Variants in TRIM44 observed in about 807,000 individuals in gnomAD.
TRIM44 encodes tripartite motif containing 44, also known as tripartite motif-containing protein 44.
Under a neutral mutation model 37.4 loss-of-function variants are expected in TRIM44, and 13 were observed. The ratio of observed to expected loss-of-function variants is 0.35; its 90% CI spans 0.23 to 0.55. The LOEUF (loss-of-function observed/expected upper bound fraction) is 0.55, where lower values mean the gene tolerates loss of function less well. Among genes scored for constraint, TRIM44 ranks in the 20% least tolerant of loss-of-function variants. The probability of loss-of-function intolerance (pLI) is 0.89; values close to 1 mark genes in which losing one functional copy is unlikely to be tolerated. For missense variants in TRIM44, 426 were observed against 437.2 expected, an observed-to-expected ratio of 0.97 and a Z score of 0.23; for synonymous variants, 175 against 157.2, an observed-to-expected ratio of 1.11 and a Z score of -0.85.
chr11:35,731,980 T>C (rs1003687863), intron 3 of TRIM44, among the ~76,000 whole-genome samples: 4 of 152,290 alleles, frequency 2.6e-5, no homozygotes, highest in African/African-American at 9.6e-5. Flanking sequence ...AATTTCAGAC[T>C]GTCTATAGTG....
At chr11:35,803,753 GA>G (rs1311732930) in intron 4 of TRIM44, among the ~76,000 whole-genome samples, 2 of 152,074 alleles carry the variant, frequency 1.3e-5, no homozygotes, top group Admixed American at 1.3e-4. Context: ...ATAACCTCAT[GA>G]ACATAGATGA....
intron 4 of TRIM44, among the ~76,000 whole-genome samples, chr11:35,758,530 G>C (rs1165733096): frequency 6.6e-6 from 1 of 152,160 alleles, no homozygotes; most frequent in Non-Finnish European, 1.5e-5. Flanking sequence ...GTGTGAATTT[G>C]ATCCTGTCTT....
At chr11:35,734,583 A>C (rs1852306732) in intron 3 of TRIM44, among the ~76,000 whole-genome samples, 1 of 152,222 alleles carries the variant, frequency 6.6e-6, no homozygotes, top group Non-Finnish European at 1.5e-5. Context: ...AAAGAAGGAT[A>C]TAAAAGATAC....
intron 1 of TRIM44, among the ~76,000 whole-genome samples, chr11:35,665,715 C>T (rs1433565588): frequency 1.3e-5 from 2 of 150,398 alleles, no homozygotes; most frequent in African/African-American, 2.4e-5. Flanking sequence ...CTGCCTCAGC[C>T]ATCTGAGTAG....
At chr11:35,780,949 G>C (rs542800467) in intron 4 of TRIM44, among the ~76,000 whole-genome samples, 1 of 152,230 alleles carries the variant, frequency 6.6e-6, no homozygotes, top group South Asian at 2.1e-4. Flanking sequence ...CTTCTGTGGT[G>C]GAATTTAACT....
intron 4 of TRIM44, among the ~76,000 whole-genome samples, chr11:35,739,667 A>G (rs932308689): frequency 6.6e-6 from 1 of 152,106 alleles, no homozygotes; most frequent in Non-Finnish European, 1.5e-5. Flanking sequence ...GGGAGCAGCC[A>G]ACTAAGCCTG....
intron 4 of TRIM44, among the ~76,000 whole-genome samples, chr11:35,804,358 A>G (rs1292728287): frequency 2.0e-5 from 3 of 152,230 alleles, no homozygotes; most frequent in Non-Finnish European, 2.9e-5. Context: ...GTTATTCCCA[A>G]TTTGGCAAGA....
rs557913089 is a variant in TRIM44 at position 35,676,847 on chromosome 11, A to G, written c.670-8412A>G. ...AAAATGCTAATCTTTGGCCGAGGTT[A>G]TAAAACCAAGAGTCTAGAAACCTTT... is the stretch of plus-strand genomic sequence containing the variant. On this transcript the variant is annotated intron_variant, in intron 1 of 4. Coordinates refer to ENST00000299413, the MANE Select transcript of TRIM44 (RefSeq NM_017583.6). Among the ~76,000 whole-genome samples the G allele has an allele frequency of 2.6e-5, 4 of 151,446 alleles. No individual in the cohort carries two copies. In the Admixed American group the frequency reaches 2.6e-4, roughly 10 times the overall value.
chr11:35,806,388 G>T lies in TRIM44; in HGVS notation c.*3G>T. On this transcript the variant is annotated 3_prime_UTR_variant, in exon 5 of 5. Transcript: ENST00000299413. ...CCAGTGAAGAAGAGGACACATGAAGGCTTGCTACCCCCAGTGGAAAATCAT... is the reference window on the plus strand; with the variant it reads ...CCAGTGAAGAAGAGGACACATGAAGTCTTGCTACCCCCAGTGGAAAATCAT... 6.2e-7 allele frequency: 1 copy of T among 1,613,640 alleles called. No individual in the cohort carries two copies. Among genetic ancestry groups the T allele is most frequent in the Non-Finnish European group, 8.5e-7 (1 of 1,179,684 alleles).
At chr11:35,713,902 G>C (rs1215635571) in intron 2 of TRIM44, among the ~76,000 whole-genome samples, 2 of 152,150 alleles carry the variant, frequency 1.3e-5, no homozygotes, top group East Asian at 3.9e-4. Context: ...TCTGTACTTT[G>C]CTTCTGTATC....
intron 4 of TRIM44, among the ~76,000 whole-genome samples, chr11:35,790,218 C>G (rs961686822): frequency 3.3e-5 from 5 of 152,170 alleles, no homozygotes; most frequent in African/African-American, 1.2e-4. Context: ...ATGGTGTGGT[C>G]CCATGGCATA....
chr11:35,679,725 A>G (rs1019927018), intron 1 of TRIM44, among the ~76,000 whole-genome samples: 3 of 152,208 alleles, frequency 2.0e-5, no homozygotes, highest in Non-Finnish European at 2.9e-5. Context: ...TCATTTTTAA[A>G]TGCTAGCAAC....
intron 4 of TRIM44, among the ~76,000 whole-genome samples, chr11:35,738,714 G>A (rs1852355811): frequency 6.6e-6 from 1 of 152,134 alleles, no homozygotes; most frequent in Admixed American, 6.5e-5. Context: ...AAGGGCTTCT[G>A]TATTGCTGAC....
At chr11:35,779,524 C>T (rs577311553) in intron 4 of TRIM44, among the ~76,000 whole-genome samples, 4 of 152,294 alleles carry the variant, frequency 2.6e-5, no homozygotes, top group Admixed American at 6.5e-5. Flanking sequence ...CTATTGCTCA[C>T]GCTGGGAGCT....
chr11:35,716,411 G>A (rs1852040060), intron 2 of TRIM44, among the ~76,000 whole-genome samples: 1 of 152,154 alleles, frequency 6.6e-6, no homozygotes, highest in African/African-American at 2.4e-5. Flanking sequence ...TGAGCAGGGG[G>A]TGCTAAAGTG....
rs1314139432 is a variant in TRIM44 at position 35,806,561 on chromosome 11, T to C, written c.*176T>C. ...TCCAAGGGATGACCAGTTTTATGCT[T>C]ACTGTGTGCTTCTCATCCCCTGGTT... On this transcript the variant is annotated 3_prime_UTR_variant, in exon 5 of 5. Transcript: ENST00000299413. 1.5e-6 allele frequency: 1 copy of C among 649,166 alleles called. No individual in the cohort carries two copies. Among genetic ancestry groups the C allele is most frequent in the Non-Finnish European group, 2.7e-6 (1 of 368,806 alleles). The allele number at this position is 649,166 out of a possible 1,614,324, so 40.2% of individuals were successfully genotyped here. A position where few individuals can be genotyped will look rare whatever the true frequency, so the allele number is the denominator to read the frequency against.
intron 4 of TRIM44, among the ~76,000 whole-genome samples, chr11:35,796,890 A>G (rs2133881187): frequency 6.6e-6 from 1 of 152,370 alleles, no homozygotes; most frequent in South Asian, 2.1e-4. Context: ...ATGCCAGGTC[A>G]TCTCCCTGCA....
At chr11:35,725,335 G>A (rs540825212) in intron 2 of TRIM44, among the ~76,000 whole-genome samples, 3 of 152,092 alleles carry the variant, frequency 2.0e-5, no homozygotes, top group South Asian at 2.1e-4. Context: ...GAAGAATTTC[G>A]TTTTTTGTTT....
intron 1 of TRIM44, among the ~76,000 whole-genome samples, chr11:35,673,422 T>C (rs1366884385): frequency 1.3e-5 from 2 of 152,248 alleles, no homozygotes; most frequent in Non-Finnish European, 2.9e-5. Context: ...GTTAGTTGGC[T>C]CTGTAAATGA....
Sources: gnomAD v4.1 joint callset for allele counts (sites outside exome capture counted in the v4.1 genomes callset) on GRCh38, gnomAD v4.1.1 for gene constraint, MANE v1.5 for transcripts, NCBI Gene and HGNC (gene_info 2026-07-23, HGNC 2026-07-21) for gene names.